The following PIK3C2B variants were observed in gnomAD, a reference collection of about 807,000 sequenced individuals.
PIK3C2B encodes phosphatidylinositol-4-phosphate 3-kinase catalytic subunit type 2 beta, also known as phosphatidylinositol 4-phosphate 3-kinase C2 domain-containing subunit beta.
PIK3C2B carries 83 observed loss-of-function variants against 184.3 expected under a neutral mutation model. The observed-to-expected ratio is 0.45, with a 90% CI of 0.38 to 0.54. The LOEUF (loss-of-function observed/expected upper bound fraction) is 0.54, where lower values mean the gene tolerates loss of function less well. Among genes scored for constraint, PIK3C2B ranks in the 20% least tolerant of loss-of-function variants. The pLI is 0.00. For synonymous variants in PIK3C2B, 779 were observed against 837.6 expected (o/e 0.93, Z 1.21); for missense variants, 1,736 against 2,113.5 (o/e 0.82, Z 3.50).
At chr1:204,464,201 C>G in intron 4 of PIK3C2B, 69 bp from the exon 5 acceptor site, 2 of 1,546,072 alleles carry the variant, frequency 1.3e-6, no homozygotes, top group Non-Finnish European at 1.8e-6. Flanking sequence ...GTTTCCCCAC[C>G]CTGATCCCCC....
intron 2 of PIK3C2B, chr1:204,466,652 G>A (rs1655821846): frequency 2.6e-6 from 1 of 387,664 alleles, no homozygotes. Flanking sequence ...AAGAGAGAGA[G>A]ACAGTGGGGG....
rs1572343967 is a variant in PIK3C2B, at chr1:204,455,723, C to T, written c.1943+133G>A. 1.2e-5 allele frequency: 9 copies of T among 729,068 alleles called. No homozygotes were observed. In the East Asian group the frequency reaches 2.6e-4, roughly 21 times the overall value. 45.2% of individuals were successfully genotyped at this position (729,068 alleles called of 1,614,324 possible). A position where few individuals can be genotyped will look rare whatever the true frequency, so the allele number is the denominator to read the frequency against. The stretch of plus-strand genomic sequence containing the variant: ...GGCACTTGGCTCACCCCCGCAGCCC[C>T]ATTGCACCACAATGTCACACAATGC... On this transcript the variant is annotated intron_variant, in intron 11 of 32. Transcript: ENST00000684373.
In PIK3C2B at chr1:204,432,323, C is replaced by G. The variant is rs375417184; in HGVS notation, c.4032G>C (p.Thr1344=). Residue 1344 remains threonine, a synonymous_variant, in exon 27 of 33, where the codon ACG becomes ACC. Transcript: ENST00000684373. The part of the protein sequence containing the change: ...FIHNLAQMKF[T]GSDDRLTLSF... The stretch of plus-strand genomic sequence containing the variant: ...AGAGGGTCAGCCGGTCATCTGAGCC[C>G]GTGAACTTCATCTGAGCCAGATTAT... 2.5e-5 allele frequency: 40 copies of G among 1,613,938 alleles called. No homozygotes were observed. The highest frequency in any genetic ancestry group is 3.3e-5 in the Non-Finnish European group (39 of 1,180,004).
At chr1:204,440,491 T>A (rs186086933) in intron 21 of PIK3C2B, among the ~76,000 whole-genome samples, 170 bp from the exon 22 acceptor site, 3 of 152,124 alleles carry the variant, frequency 2.0e-5, no homozygotes, top group African/African-American at 7.2e-5. Flanking sequence ...CCCAGGAAGC[T>A]TCCCAGTTTG....
chr1:204,459,058 AG>A (rs1655104774), intron 8 of PIK3C2B, among the ~76,000 whole-genome samples: 1 of 147,632 alleles, frequency 6.8e-6, no homozygotes, highest in Non-Finnish European at 1.5e-5. Context: ...TCTGTCACGC[AG>A]GCTGGAGTGC....
intron 29 of PIK3C2B, among the ~76,000 whole-genome samples, 192 bp from the exon 30 acceptor site, chr1:204,428,412 T>C (rs1442058611): frequency 1.3e-5 from 2 of 152,242 alleles, no homozygotes; most frequent in Non-Finnish European, 2.9e-5. Flanking sequence ...ATTTTGAATA[T>C]GGACTATGGA....
intron 1 of PIK3C2B, among the ~76,000 whole-genome samples, chr1:204,491,664 G>C (rs1265505797): frequency 6.6e-6 from 1 of 152,178 alleles, no homozygotes; most frequent in Non-Finnish European, 1.5e-5. Flanking sequence ...CCTGTCTCAA[G>C]AACAAACAAA....
chr1:204,473,477 G>A (rs1656454610), intron 1 of PIK3C2B, among the ~76,000 whole-genome samples: 1 of 152,218 alleles, frequency 6.6e-6, no homozygotes, highest in Non-Finnish European at 1.5e-5. Context: ...CCAGAACCTA[G>A]CTGCCTGGAG....
In PIK3C2B at chr1:204,441,554, AG is replaced by A; in HGVS notation, c.3165del (p.Tyr1056ThrfsTer38). 6.2e-7 allele frequency: 1 copy of A among 1,611,860 alleles called. No individual in the cohort carries two copies. Among genetic ancestry groups the A allele is most frequent in the Non-Finnish European group, 8.5e-7 (1 of 1,177,978 alleles). On this transcript the variant is annotated frameshift_variant, in exon 21 of 33. Transcript: ENST00000684373. LOFTEE classifies it high-confidence loss of function. ...LVKGIVPRDCSYFNSNAVPLK... is the reference protein window; with the variant it reads ...LVKGIVPRDCXYFNSNAVPLK... The stretch of plus-strand genomic sequence containing the variant: ...AGGGGGACAGCATTGGAGTTGAAGT[AG>A]GAACAGTCCTGCCATGGTGAAAAGA...
chr1:204,469,828 A>C lies in PIK3C2B; in HGVS notation c.-26T>G. 5 of 1,538,142 alleles carry C rather than the reference A, an allele frequency of 3.3e-6. No individual in the cohort carries two copies. Among genetic ancestry groups the C allele is most frequent in the Non-Finnish European group, 4.5e-6 (5 of 1,111,370 alleles). The stretch of plus-strand genomic sequence containing the variant: ...GGTGAGGATGGGGGACACAGGCAAC[A>C]AAGTCTCTACTTCCTGCCAACGTCA... On this transcript the variant is annotated 5_prime_UTR_variant, in exon 2 of 33. Coordinates refer to ENST00000684373, the MANE Select transcript of PIK3C2B (RefSeq NM_001377334.1).
intron 7 of PIK3C2B, 53 bp from the exon 8 acceptor site, chr1:204,459,994 G>A: frequency 6.7e-7 from 1 of 1,493,392 alleles, no homozygotes; most frequent in Admixed American, 1.8e-5. Flanking sequence ...AAGACCCAGT[G>A]CCCTGGGAAA....
At chr1:204,440,342 A>C in intron 21 of PIK3C2B, 21 bp from the exon 22 acceptor site, 2 of 1,563,790 alleles carry the variant, frequency 1.3e-6, no homozygotes, top group Non-Finnish European at 1.7e-6. Flanking sequence ...GGAGAAAGTG[A>C]CCAGATCTAA....
At position 204,432,371 on chromosome 1, in the gene PIK3C2B, G is replaced by A; in HGVS notation, c.3984C>T (p.Ala1328=). ...RLIESSLGSV[A]TKLNFFIHNL... is the part of the protein sequence containing the mutation. ...TATGGATGAAAAAATTGAGCTTTGT[G>A]GCTACACTGCCCAGGCTGGACTCAA... Residue 1328 remains alanine, a synonymous_variant, in exon 27 of 33, where the codon GCC becomes GCT. Transcript: ENST00000684373. The A allele has an allele frequency of 6.2e-7, 1 of 1,614,030 alleles. No homozygotes were observed. The highest frequency in any genetic ancestry group is 2.2e-5 in the East Asian group (1 of 44,862).
chr1:204,431,188 C>T (rs1268993867), intron 28 of PIK3C2B, among the ~76,000 whole-genome samples: 1 of 152,200 alleles, frequency 6.6e-6, no homozygotes, highest in East Asian at 1.9e-4. Context: ...TACTTTCTGC[C>T]TCTAGGAGTC....
intron 1 of PIK3C2B, among the ~76,000 whole-genome samples, chr1:204,480,009 G>A (rs1418286774): frequency 6.6e-6 from 1 of 152,246 alleles, no homozygotes; most frequent in Non-Finnish European, 1.5e-5. Flanking sequence ...CAGGTCTTCT[G>A]CACTGGGCTC....
chr1:204,484,041 T>C (rs1657396468), intron 1 of PIK3C2B, among the ~76,000 whole-genome samples: 1 of 152,188 alleles, frequency 6.6e-6, no homozygotes, highest in Non-Finnish European at 1.5e-5. Flanking sequence ...GTGAAACTAG[T>C]ACAGCCCACT....
intron 1 of PIK3C2B, among the ~76,000 whole-genome samples, chr1:204,486,868 CACAATCTCCGCTCACT>C (rs1657640990): frequency 6.6e-6 from 1 of 151,782 alleles, no homozygotes; most frequent in Non-Finnish European, 1.5e-5. Context: ...AGTTCAGTGG[CACAATCTCCGCTCACT>C]GCAATCTCCA....
At chr1:204,477,047 T>G (rs1326162090) in intron 1 of PIK3C2B, among the ~76,000 whole-genome samples, 1 of 152,208 alleles carries the variant, frequency 6.6e-6, no homozygotes, top group Non-Finnish European at 1.5e-5. Context: ...ACACTTTGCC[T>G]CTAAAAACTT....
chr1:204,483,329 G>A (rs1275688087), intron 1 of PIK3C2B, among the ~76,000 whole-genome samples: 1 of 151,702 alleles, frequency 6.6e-6, no homozygotes, highest in African/African-American at 2.4e-5. Flanking sequence ...GAAATAGGAG[G>A]CTCAACTGAG....
Sources: gnomAD v4.1 joint callset for allele counts (sites outside exome capture counted in the v4.1 genomes callset) on GRCh38, gnomAD v4.1.1 for gene constraint, MANE v1.5 for transcripts, NCBI Gene and HGNC (gene_info 2026-07-23, HGNC 2026-07-21) for gene names.